Variants in C1QTNF3 observed in about 807,000 individuals in gnomAD.
C1QTNF3 encodes the protein complement C1q tumor necrosis factor-related protein 3.
In C1QTNF3, 26 loss-of-function variants were observed where a neutral mutation model predicts 32.6. The observed-to-expected ratio is 0.80, with a 90% CI of 0.58 to 1.11. The LOEUF (loss-of-function observed/expected upper bound fraction) is 1.11, where lower values mean the gene tolerates loss of function less well. Ranked by LOEUF, C1QTNF3 falls within the 50% of genes least tolerant of loss-of-function variation. C1QTNF3 has a pLI of 0.00. For synonymous variants in C1QTNF3, 155 were observed against 146.0 expected, an observed-to-expected ratio of 1.06 and a Z score of -0.44; for missense variants, 362 against 398.2, an observed-to-expected ratio of 0.91 and a Z score of 0.77.
At chr5:34,161,519 ATTC>A in the C1QTNF3 span, among the ~76,000 whole-genome samples, 1 of 152,292 alleles carries the variant, frequency 6.6e-6, no homozygotes, top group East Asian at 1.9e-4. Flanking sequence ...TAATTTTAAA[ATTC>A]TTAATATCAA....
At chr5:34,031,370 T>C (rs538578110) in intron 3 of C1QTNF3, among the ~76,000 whole-genome samples, 1 of 152,336 alleles carries the variant, frequency 6.6e-6, no homozygotes, top group East Asian at 1.9e-4. Context: ...CTGGCTACTC[T>C]AGGGCCCCTT....
the C1QTNF3 span, among the ~76,000 whole-genome samples, chr5:34,069,680 T>TA: frequency 3.9e-5 from 6 of 152,198 alleles, no homozygotes; most frequent in African/African-American, 1.4e-4. Context: ...ATCAAATCTT[T>TA]ACCTTAAATA....
the C1QTNF3 span, among the ~76,000 whole-genome samples, chr5:34,142,890 C>T: frequency 6.6e-6 from 1 of 152,176 alleles, no homozygotes; most frequent in Non-Finnish European, 1.5e-5. Context: ...GTACTTACTT[C>T]CAAAGGAGTC....
the C1QTNF3 span, among the ~76,000 whole-genome samples, chr5:34,062,561 C>T: frequency 6.6e-6 from 1 of 152,184 alleles, no homozygotes; most frequent in Non-Finnish European, 1.5e-5. Context: ...ACAGCTCACA[C>T]GTTTGAGCAA....
the C1QTNF3 span, among the ~76,000 whole-genome samples, chr5:34,237,561 G>A: frequency 3.9e-5 from 6 of 152,106 alleles, no homozygotes; most frequent in Admixed American, 6.5e-5. Flanking sequence ...TTCATTCTGC[G>A]ACAATAGATG....
the C1QTNF3 span, among the ~76,000 whole-genome samples, chr5:34,087,734 A>C: frequency 3.3e-5 from 5 of 152,154 alleles, no homozygotes; most frequent in African/African-American, 1.2e-4. Context: ...CATGCACATG[A>C]CACCATTTCT....
chr5:34,162,229 C>T, the C1QTNF3 span, among the ~76,000 whole-genome samples: 1 of 152,058 alleles, frequency 6.6e-6, no homozygotes, highest in Non-Finnish European at 1.5e-5. Flanking sequence ...CAGGTGAGTG[C>T]CTACATTCTC....
chr5:34,211,936 G>A, the C1QTNF3 span, among the ~76,000 whole-genome samples: 3 of 152,016 alleles, frequency 2.0e-5, no homozygotes, highest in African/African-American at 4.8e-5. Context: ...AAAAGAGCCC[G>A]CATCGCCAAG....
the C1QTNF3 span, among the ~76,000 whole-genome samples, chr5:34,069,529 T>A: frequency 6.6e-6 from 1 of 152,124 alleles, no homozygotes; most frequent in Non-Finnish European, 1.5e-5. Context: ...AGAAAGAAAA[T>A]CTGTCCACTG....
At chr5:34,174,160 C>A in the C1QTNF3 span, among the ~76,000 whole-genome samples, 1 of 152,198 alleles carries the variant, frequency 6.6e-6, no homozygotes, top group African/African-American at 2.4e-5. Context: ...GAGGTTTAAG[C>A]GATTCTCATG....
the C1QTNF3 span, among the ~76,000 whole-genome samples, chr5:34,135,602 T>G: frequency 1.3e-5 from 2 of 151,656 alleles, no homozygotes; most frequent in Non-Finnish European, 2.9e-5. Context: ...TTCACAGGAT[T>G]GGAAAAAACT....
At chr5:34,055,917 A>G in the C1QTNF3 span, among the ~76,000 whole-genome samples, 1 of 152,176 alleles carries the variant, frequency 6.6e-6, no homozygotes, top group East Asian at 1.9e-4. Context: ...AATACGGTCA[A>G]TTGTCCTGTG....
chr5:34,212,956 G>C, the C1QTNF3 span, among the ~76,000 whole-genome samples: 2 of 151,988 alleles, frequency 1.3e-5, no homozygotes, highest in East Asian at 3.9e-4. Flanking sequence ...ACATGCACAC[G>C]TATGTTTATT....
the C1QTNF3 span, among the ~76,000 whole-genome samples, chr5:34,177,637 C>G: frequency 1.2e-4 from 18 of 152,060 alleles, no homozygotes; most frequent in Admixed American, 8.5e-4. Context: ...CAGGTACATG[C>G]CACCACACCC....
the C1QTNF3 span, among the ~76,000 whole-genome samples, chr5:34,102,871 C>T: frequency 9.8e-5 from 15 of 152,340 alleles, no homozygotes; most frequent in South Asian, 2.1e-4. Context: ...TTAGGAGATA[C>T]ACCTAATGTA....
intron 4 of C1QTNF3, chr5:34,024,500 C>T (rs1754414954): frequency 6.4e-6 from 1 of 156,976 alleles, no homozygotes; most frequent in East Asian, 1.8e-4. Flanking sequence ...GAGCACAGAA[C>T]AAATGTTTAT....
chr5:34,155,831 GCTC>G, the C1QTNF3 span, among the ~76,000 whole-genome samples: 2 of 151,824 alleles, frequency 1.3e-5, no homozygotes, highest in South Asian at 2.1e-4. Flanking sequence ...AACAAATATG[GCTC>G]CTAAGTGACA....
the C1QTNF3 span, among the ~76,000 whole-genome samples, chr5:34,203,511 C>A: frequency 1.1e-4 from 17 of 152,028 alleles, no homozygotes; most frequent in East Asian, 3.1e-3. Context: ...CATAGTGAAA[C>A]CCTATCTCCA....
chr5:34,069,472 C>T, the C1QTNF3 span, among the ~76,000 whole-genome samples: 2 of 152,036 alleles, frequency 1.3e-5, no homozygotes, highest in Admixed American at 1.3e-4. Context: ...ATAATAGGGG[C>T]TACATAAACA....
Sources: allele counts gnomAD v4.1 joint callset (sites outside exome capture counted in the v4.1 genomes callset), GRCh38; gene constraint gnomAD v4.1.1; transcripts MANE v1.5; gene names NCBI Gene and HGNC (gene_info 2026-07-23, HGNC 2026-07-21).